Variants in ANKRD62 observed in about 807,000 individuals in gnomAD.
ANKRD62 encodes the protein ankyrin repeat domain-containing protein 62.
ANKRD62 carries 61 observed loss-of-function variants against 98.8 expected under a neutral mutation model. The ratio of observed to expected loss-of-function variants is 0.62; its 90% confidence interval spans 0.50 to 0.76. The LOEUF (loss-of-function observed/expected upper bound fraction) is 0.76, where lower values mean the gene tolerates loss of function less well. ANKRD62 is among the 30% of genes least tolerant of loss of function. ANKRD62 has a pLI of 0.00. For synonymous variants in ANKRD62, 341 were observed against 367.9 expected (o/e 0.93, Z 0.84); for missense variants, 933 against 1,082.9 (o/e 0.86, Z 1.94).
the ANKRD62 span, among the ~76,000 whole-genome samples, chr18:12,139,312 T>G: frequency 6.6e-6 from 1 of 152,138 alleles, no homozygotes; most frequent in Non-Finnish European, 1.5e-5. Flanking sequence ...AAACTTAGTT[T>G]GGCTGGATAT....
the ANKRD62 span, among the ~76,000 whole-genome samples, chr18:12,135,414 T>C: frequency 6.6e-6 from 1 of 151,434 alleles, no homozygotes. Context: ...GGTGTATATA[T>C]GCCACATTTT....
At chr18:12,130,857 A>G (rs1390659458), downstream of ANKRD62, among the ~76,000 whole-genome samples, 4 of 151,970 alleles carry the variant, frequency 2.6e-5, no homozygotes, top group Non-Finnish European at 4.4e-5. Flanking sequence ...ACACCAGGCT[A>G]ATTTTTGTAT....
At chr18:12,117,496 A>C (rs759131321) in intron 10 of ANKRD62, among the ~76,000 whole-genome samples, 1 of 152,190 alleles carries the variant, frequency 6.6e-6, no homozygotes, top group Non-Finnish European at 1.5e-5. Flanking sequence ...TCTTCAGAAC[A>C]ATGCTGCATA....
chr18:12,181,249 G>A, the ANKRD62 span, among the ~76,000 whole-genome samples: 1 of 152,092 alleles, frequency 6.6e-6, no homozygotes, highest in African/African-American at 2.4e-5. Flanking sequence ...TGACCAATAT[G>A]ATTTCAAAAT....
chr18:12,103,683 A>G (rs531191667), intron 7 of ANKRD62, among the ~76,000 whole-genome samples: 1 of 152,200 alleles, frequency 6.6e-6, no homozygotes, highest in South Asian at 2.1e-4. Flanking sequence ...ACTAATTTCA[A>G]TATCTATGTT....
the ANKRD62 span, among the ~76,000 whole-genome samples, chr18:12,170,077 C>A: frequency 6.6e-6 from 1 of 152,166 alleles, no homozygotes; most frequent in Non-Finnish European, 1.5e-5. Flanking sequence ...TTTCAAAAAA[C>A]TAGCTCCTGG....
rs779439546 is a variant in ANKRD62 at position 12,095,027 on chromosome 18, C to T, written c.219-144C>T. On this transcript the variant is annotated intron_variant, in intron 1 of 13. Transcript: ENST00000587848. ...CTCAGCAGCACCTGGGATGTGGAAA[C>T]CTTGCCTTTCTTCACAAGAAAAGTA... The T allele has an allele frequency of 8.6e-6, 6 of 696,982 alleles. 2 individuals carry two copies. The South Asian group carries it at 1.1e-4, about 12-fold the overall frequency. 43.2% of individuals were successfully genotyped at this position (696,982 alleles called of 1,614,324 possible). A position where few individuals can be genotyped will look rare whatever the true frequency, so the allele number is the denominator to read the frequency against.
Position 12,097,644 on chromosome 18 carries a change from G to C in ANKRD62, c.619G>C (p.Ala207Pro). The stretch of plus-strand genomic sequence containing the variant: ...AAATTATCTTTCTTATTTTAGAACA[G>C]CCCTGATACTTGCTGCTCGTAATGG... Reference protein sequence around the residue: ...LTAIDNFGRTALILAARNGST... With the variant: ...LTAIDNFGRTPLILAARNGST... The change falls in exon 5 of 14, where the codon GCC (alanine) becomes CCC (proline). Residue 207 changes from alanine (A) to proline (P), a missense_variant. Transcript: ENST00000587848. 2.6e-6 allele frequency: 4 copies of C among 1,534,080 alleles called. No individual in the cohort carries two copies. The highest frequency in any genetic ancestry group is 3.5e-6 in the Non-Finnish European group (4 of 1,145,972).
At chr18:12,162,850 C>T in the ANKRD62 span, among the ~76,000 whole-genome samples, 1 of 151,856 alleles carries the variant, frequency 6.6e-6, no homozygotes, top group East Asian at 1.9e-4. Flanking sequence ...GTTTCTGGGT[C>T]TTTACTCTGT....
In ANKRD62 at chr18:12,097,628, T is replaced by C. The variant is rs747543701; in HGVS notation, c.615-12T>C. ...AAAGTTCCTAAGCATGAAATTATCT[T>C]TCTTATTTTAGAACAGCCCTGATAC... On this transcript the variant is annotated splice_polypyrimidine_tract_variant and intron_variant, in intron 4 of 13. Transcript: ENST00000587848. 33 of 1,520,712 alleles carry C rather than the reference T, an allele frequency of 2.2e-5. No individual in the cohort carries two copies. Among genetic ancestry groups the C allele is most frequent in the Non-Finnish European group, 2.9e-5 (33 of 1,140,484 alleles). 94.2% of individuals were successfully genotyped at this position (1,520,712 alleles called of 1,614,324 possible). A position where few individuals can be genotyped will look rare whatever the true frequency, so the allele number is the denominator to read the frequency against.
the ANKRD62 span, among the ~76,000 whole-genome samples, chr18:12,165,435 C>T: frequency 6.6e-6 from 1 of 151,654 alleles, no homozygotes; most frequent in Admixed American, 6.6e-5. Flanking sequence ...TTGTGTTTTT[C>T]AATATGAGGT....
the ANKRD62 span, among the ~76,000 whole-genome samples, chr18:12,171,889 T>G: frequency 6.6e-6 from 1 of 152,204 alleles, no homozygotes; most frequent in Non-Finnish European, 1.5e-5. Flanking sequence ...TAATTTGATC[T>G]TCAATCACTG....
At chr18:12,136,665 C>T in the ANKRD62 span, among the ~76,000 whole-genome samples, 4 of 152,274 alleles carry the variant, frequency 2.6e-5, no homozygotes, top group African/African-American at 7.2e-5. Context: ...ATTGATTCTT[C>T]GTACCCATCA....
chr18:12,167,846 CATT>C, the ANKRD62 span, among the ~76,000 whole-genome samples: 16 of 152,282 alleles, frequency 1.1e-4, no homozygotes, highest in African/African-American at 3.6e-4. Flanking sequence ...GATGGTATCT[CATT>C]GTGGTTTTGA....
chr18:12,176,157 ACTCTAG>A, the ANKRD62 span, among the ~76,000 whole-genome samples: 2 of 151,812 alleles, frequency 1.3e-5, no homozygotes, highest in African/African-American at 4.9e-5. Context: ...GTGCTACTGC[ACTCTAG>A]CCTGGGTGAC....
At chr18:12,120,434 G>A (rs975557992) in intron 10 of ANKRD62, among the ~76,000 whole-genome samples, 1 of 152,122 alleles carries the variant, frequency 6.6e-6, no homozygotes, top group Non-Finnish European at 1.5e-5. Flanking sequence ...AATCTACTTT[G>A]ATATTAATTG....
chr18:12,122,556 A>G, intron 11 of ANKRD62, 40 bp downstream of exon 11: 2 of 1,451,584 alleles, frequency 1.4e-6, no homozygotes, highest in Non-Finnish European at 1.8e-6. Flanking sequence ...TCAACTATTT[A>G]TACTAAGGAT....
intron 10 of ANKRD62, among the ~76,000 whole-genome samples, chr18:12,119,797 G>T (rs1379924197): frequency 6.6e-6 from 1 of 151,760 alleles, no homozygotes; most frequent in East Asian, 1.9e-4. Context: ...AGAAGTCAGG[G>T]TTATTGATTT....
At chr18:12,158,197 T>C in the ANKRD62 span, among the ~76,000 whole-genome samples, 2 of 152,146 alleles carry the variant, frequency 1.3e-5, no homozygotes, top group African/African-American at 2.4e-5. Context: ...GGAACGTGCT[T>C]TGTTTAGAGG....
Sources: allele counts gnomAD v4.1 joint callset (sites outside exome capture counted in the v4.1 genomes callset), GRCh38; gene constraint gnomAD v4.1.1; transcripts MANE v1.5; gene names NCBI Gene and HGNC (gene_info 2026-07-23, HGNC 2026-07-21).